Variants in XRRA1 observed in about 807,000 individuals in gnomAD.
XRRA1 encodes X-ray radiation resistance-associated protein 1.
A neutral mutation model predicts 80.2 loss-of-function variants in XRRA1; 69 were observed. That is an observed-to-expected ratio of 0.86 (90% CI 0.71 to 1.05). XRRA1 has a LOEUF of 1.05. Ranked by LOEUF, XRRA1 falls within the 50% of genes least tolerant of loss-of-function variation. The probability of loss-of-function intolerance (pLI) is 0.00; values close to 1 mark genes in which losing one functional copy is unlikely to be tolerated. For missense variants in XRRA1, 967 were observed against 976.4 expected (o/e 0.99, Z 0.13); for synonymous variants, 348 against 389.9 (o/e 0.89, Z 1.27).
intron 10 of XRRA1, among the ~76,000 whole-genome samples, chr11:74,873,816 G>C (rs2045439070): frequency 6.6e-6 from 1 of 152,150 alleles, no homozygotes; most frequent in East Asian, 1.9e-4. Flanking sequence ...GGGAAGAAAG[G>C]AGTAAGCCAA....
intron 8 of XRRA1, among the ~76,000 whole-genome samples, chr11:74,908,887 T>C (rs2055228766): frequency 2.0e-5 from 3 of 152,196 alleles, no homozygotes; most frequent in Admixed American, 1.3e-4. Flanking sequence ...GCAGCCATGT[T>C]TCCCATCATG....
chr11:74,858,086 A>G (rs2041528048), intron 12 of XRRA1, among the ~76,000 whole-genome samples: 1 of 152,234 alleles, frequency 6.6e-6, no homozygotes. Flanking sequence ...TTTAAGTAAA[A>G]GAACAGAAAG....
At chr11:74,857,389 AAG>A (rs1381900463) in intron 12 of XRRA1, among the ~76,000 whole-genome samples, 1 of 152,232 alleles carries the variant, frequency 6.6e-6, no homozygotes, top group Admixed American at 6.5e-5. Context: ...GCAAAAAAAA[AAG>A]GCAACTCATA....
intron 10 of XRRA1, among the ~76,000 whole-genome samples, chr11:74,890,967 T>C (rs1365381380): frequency 1.3e-5 from 2 of 152,090 alleles, no homozygotes; most frequent in Admixed American, 1.3e-4. Flanking sequence ...TGAATTCTAC[T>C]AGAGGTACAA....
At chr11:74,915,577 C>T (rs911494937) in intron 8 of XRRA1, among the ~76,000 whole-genome samples, 9 of 152,328 alleles carry the variant, frequency 5.9e-5, no homozygotes, top group African/African-American at 1.9e-4. Context: ...AGGGATTATA[C>T]AGCTGTCTAG....
chr11:74,889,632 C>CATCA (rs1469069293), intron 10 of XRRA1, among the ~76,000 whole-genome samples: 2 of 152,150 alleles, frequency 1.3e-5, no homozygotes, highest in Non-Finnish European at 2.9e-5. Context: ...AGTCAAGAAC[C>CATCA]ATCAGTGTGC....
intron 4 of XRRA1, 109 bp downstream of exon 4, chr11:74,936,775 C>T: frequency 1.5e-6 from 2 of 1,341,078 alleles, no homozygotes; most frequent in Non-Finnish European, 2.0e-6. Flanking sequence ...ATCACTCTAA[C>T]AGTTTGGAGT....
chr11:74,874,821 G>A (rs2045696627), intron 10 of XRRA1, among the ~76,000 whole-genome samples: 1 of 152,040 alleles, frequency 6.6e-6, no homozygotes, highest in East Asian at 1.9e-4. Context: ...AGCTCTCAGG[G>A]AAACTTCCCT....
At chr11:74,890,568 A>G (rs1490465134) in intron 10 of XRRA1, among the ~76,000 whole-genome samples, 1 of 152,230 alleles carries the variant, frequency 6.6e-6, no homozygotes, top group Non-Finnish European at 1.5e-5. Context: ...GAACTGAAGG[A>G]AATAGAGACA....
At chr11:74,865,362 A>G (rs1467749089) in intron 10 of XRRA1, among the ~76,000 whole-genome samples, 1 of 152,188 alleles carries the variant, frequency 6.6e-6, no homozygotes, top group Non-Finnish European at 1.5e-5. Context: ...TTGCTAGGCA[A>G]TGTGCACCTC....
intron 10 of XRRA1, among the ~76,000 whole-genome samples, chr11:74,900,710 GA>G (rs1412720453): frequency 1.3e-5 from 2 of 152,168 alleles, no homozygotes; most frequent in African/African-American, 4.8e-5. Flanking sequence ...AAAACCATAT[GA>G]TCATTTCAAT....
chr11:74,900,068 G>A (rs2053263322), intron 10 of XRRA1, among the ~76,000 whole-genome samples: 2 of 152,010 alleles, frequency 1.3e-5, no homozygotes, highest in African/African-American at 4.8e-5. Flanking sequence ...GGCAGGCTGA[G>A]GCAGGAGAAT....
At chr11:74,892,233 C>T (rs2050946861) in intron 10 of XRRA1, among the ~76,000 whole-genome samples, 2 of 152,040 alleles carry the variant, frequency 1.3e-5, no homozygotes, top group African/African-American at 2.4e-5. Context: ...CAGAACAGAG[C>T]CCTCAGAAAT....
At chr11:74,844,944 G>T in intron 16 of XRRA1, 129 bp downstream of exon 16, 1 of 871,792 alleles carries the variant, frequency 1.1e-6, no homozygotes, top group Non-Finnish European at 1.8e-6. Context: ...CCCTTTGACA[G>T]GTATTTAGAC....
At chr11:74,898,783 G>GAGAT (rs2052964326) in intron 10 of XRRA1, among the ~76,000 whole-genome samples, 1 of 152,076 alleles carries the variant, frequency 6.6e-6, no homozygotes, top group South Asian at 2.1e-4. Context: ...AGTATTATTG[G>GAGAT]AGATAGAATC....
Position 74,842,840 on chromosome 11 carries a change from G to GT in XRRA1, c.*359dup. On this transcript the variant is annotated 3_prime_UTR_variant, in exon 19 of 19. Transcript: ENST00000684022. The stretch of plus-strand genomic sequence containing the variant: ...ATTTGTTAAGATCCCCTTGGTGTCA[G>GT]TTTCTCATACAACAGAGAACAAATG... 1 of 238,738 alleles carries GT rather than the reference G, an allele frequency of 4.2e-6. No individual in the cohort carries two copies. Among genetic ancestry groups the GT allele is most frequent in the Non-Finnish European group, 8.1e-6 (1 of 123,008 alleles). 14.8% of individuals were successfully genotyped at this position (238,738 alleles called of 1,614,324 possible). A position where few individuals can be genotyped will look rare whatever the true frequency, so the allele number is the denominator to read the frequency against.
At chr11:74,907,300 G>C (rs1018053723) in intron 8 of XRRA1, 27 bp from the exon 9 acceptor site, 3 of 1,612,656 alleles carry the variant, frequency 1.9e-6, no homozygotes, top group African/African-American at 2.7e-5. Context: ...CTTGGGTAAT[G>C]AGCAAGGTCG....
At chr11:74,897,777 G>A (rs1309046828) in intron 10 of XRRA1, among the ~76,000 whole-genome samples, 1 of 146,896 alleles carries the variant, frequency 6.8e-6, no homozygotes, top group Non-Finnish European at 1.5e-5. Flanking sequence ...TATTCTTTAA[G>A]CATGAAGGAG....
intron 10 of XRRA1, among the ~76,000 whole-genome samples, chr11:74,892,286 CA>C (rs1565342246): frequency 1.3e-5 from 2 of 152,048 alleles, no homozygotes; most frequent in African/African-American, 4.8e-5. Context: ...ACAAACCTGA[CA>C]AAAACAAGAA....
Sources: gnomAD v4.1 joint callset for allele counts (sites outside exome capture counted in the v4.1 genomes callset) on GRCh38, gnomAD v4.1.1 for gene constraint, MANE v1.5 for transcripts, NCBI Gene and HGNC (gene_info 2026-07-23, HGNC 2026-07-21) for gene names.